STK32B: variants seen among roughly 807,000 people sequenced by gnomAD.
STK32B encodes serine/threonine kinase 32B.
In STK32B, 43 loss-of-function variants were observed where a neutral mutation model predicts 52.6. The ratio of observed to expected loss-of-function variants is 0.82; its 90% CI spans 0.64 to 1.05. STK32B has a LOEUF of 1.05. Ranked by LOEUF, STK32B falls within the 50% of genes least tolerant of loss-of-function variation. The pLI is 0.00. For missense variants in STK32B, 621 were observed against 534.6 expected (o/e 1.16, Z -1.59); for synonymous variants, 238 against 204.3 (o/e 1.17, Z -1.41).
At chr4:5,488,567 TC>T (rs902973328) in intron 11 of STK32B, among the ~76,000 whole-genome samples, 2 of 152,176 alleles carry the variant, frequency 1.3e-5, no homozygotes, top group Non-Finnish European at 2.9e-5. Flanking sequence ...TTCATAAATT[TC>T]CCTTTCACAA....
chr4:5,340,931 A>G (rs1215619561), intron 4 of STK32B, among the ~76,000 whole-genome samples: 4 of 152,174 alleles, frequency 2.6e-5, no homozygotes, highest in Non-Finnish European at 5.9e-5. Flanking sequence ...AGGTAGTATA[A>G]TGACCCCATT....
chr4:5,231,372 A>G (rs1192002511), intron 3 of STK32B, among the ~76,000 whole-genome samples: 1 of 152,176 alleles, frequency 6.6e-6, no homozygotes, highest in Non-Finnish European at 1.5e-5. Flanking sequence ...TCACTCTGGG[A>G]GGCTGAGGCG....
intron 3 of STK32B, among the ~76,000 whole-genome samples, chr4:5,262,511 G>A (rs1421576740): frequency 1.3e-5 from 2 of 151,710 alleles, no homozygotes; most frequent in Admixed American, 1.3e-4. Flanking sequence ...TGTAGTCCCA[G>A]CTACTCGGGA....
intron 1 of STK32B, among the ~76,000 whole-genome samples, chr4:5,091,630 A>G (rs998718816): frequency 6.6e-6 from 1 of 152,224 alleles, no homozygotes; most frequent in Admixed American, 6.5e-5. Context: ...GGAATGTATA[A>G]TGGTGCAGGG....
intron 2 of STK32B, 75 bp downstream of exon 2, chr4:5,140,035 G>A: frequency 6.4e-7 from 1 of 1,572,562 alleles, no homozygotes; most frequent in South Asian, 1.1e-5. Context: ...TGGTTGCTGG[G>A]CACTGGGAAT....
At chr4:5,367,941 G>C (rs1382189079) in intron 4 of STK32B, among the ~76,000 whole-genome samples, 1 of 152,132 alleles carries the variant, frequency 6.6e-6, no homozygotes, top group Non-Finnish European at 1.5e-5. Flanking sequence ...AACCTGAGGT[G>C]GGGAGGGGGC....
At chr4:5,155,569 C>G (rs1259749807) in intron 2 of STK32B, among the ~76,000 whole-genome samples, 1 of 152,152 alleles carries the variant, frequency 6.6e-6, no homozygotes, top group East Asian at 1.9e-4. Flanking sequence ...ACCCAAATCT[C>G]ATCTCGAATT....
intron 3 of STK32B, among the ~76,000 whole-genome samples, chr4:5,194,099 A>G (rs1302430168): frequency 6.6e-6 from 1 of 151,998 alleles, no homozygotes; most frequent in Non-Finnish European, 1.5e-5. Context: ...TCCCTCTCTC[A>G]CTTGCCTGTT....
intron 11 of STK32B, among the ~76,000 whole-genome samples, chr4:5,495,455 G>A (rs1236006473): frequency 6.6e-6 from 1 of 151,984 alleles, no homozygotes; most frequent in African/African-American, 2.4e-5. Context: ...CTCTCTATTG[G>A]TTATTCTAGT....
chr4:5,203,795 C>A (rs1722342416), intron 3 of STK32B, among the ~76,000 whole-genome samples: 2 of 152,188 alleles, frequency 1.3e-5, no homozygotes, highest in South Asian at 4.1e-4. Context: ...CTTCGTTATG[C>A]TTCACCTCCA....
At chr4:5,026,426 G>C in the STK32B span, among the ~76,000 whole-genome samples, 1 of 152,142 alleles carries the variant, frequency 6.6e-6, no homozygotes, top group African/African-American at 2.4e-5. Flanking sequence ...TTACAATCAC[G>C]GCAGAAGGCA....
rs1037527265 is a variant in STK32B at position 5,413,654 on chromosome 4, A to G, written c.473-3191A>G. On this transcript the variant is annotated intron_variant, in intron 5 of 11. Coordinates refer to ENST00000282908, the MANE Select transcript of STK32B (RefSeq NM_018401.3). ...AAGGCACTATAAACAAAGTCAAAAC[A>G]CAAACAATAGGCTAGGAGAAAATAT... is the stretch of plus-strand genomic sequence containing the variant. 3.3e-5 allele frequency among the ~76,000 whole-genome samples: 5 copies of G among 152,240 alleles called. No homozygotes were observed. The South Asian group carries it at 1.0e-3, about 32-fold the overall frequency.
At chr4:5,350,328 T>C (rs1260875799) in intron 4 of STK32B, among the ~76,000 whole-genome samples, 7 of 152,024 alleles carry the variant, frequency 4.6e-5, no homozygotes, top group Non-Finnish European at 8.8e-5. Flanking sequence ...CTTTCATAAA[T>C]AAAGGAGAAA....
chr4:5,096,828 A>G (rs1025073123), intron 1 of STK32B, among the ~76,000 whole-genome samples: 19 of 152,218 alleles, frequency 1.2e-4, no homozygotes, highest in Non-Finnish European at 2.8e-4. Flanking sequence ...AACACTCCTA[A>G]TAACTAAGAT....
At chr4:5,353,366 A>G (rs922051279) in intron 4 of STK32B, among the ~76,000 whole-genome samples, 2 of 151,994 alleles carry the variant, frequency 1.3e-5, no homozygotes, top group East Asian at 3.9e-4. Context: ...CTAAGACCTC[A>G]AGCACAGACA....
intron 3 of STK32B, among the ~76,000 whole-genome samples, chr4:5,239,181 CAG>C (rs1192858711): frequency 9.2e-5 from 14 of 152,020 alleles, no homozygotes; most frequent in African/African-American, 4.8e-5. Flanking sequence ...GGACAGGAGA[CAG>C]AGAGAGGTGA....
chr4:5,241,536 T>G (rs1725022937), intron 3 of STK32B, among the ~76,000 whole-genome samples: 1 of 152,070 alleles, frequency 6.6e-6, no homozygotes, highest in Non-Finnish European at 1.5e-5. Context: ...TAGGTAGGTC[T>G]GTGGTTATAA....
chr4:5,090,887 A>G (rs1713043961), intron 1 of STK32B, among the ~76,000 whole-genome samples: 1 of 152,180 alleles, frequency 6.6e-6, no homozygotes, highest in Non-Finnish European at 1.5e-5. Flanking sequence ...AAATGGACAA[A>G]TTTCTAGAAA....
intron 4 of STK32B, among the ~76,000 whole-genome samples, chr4:5,393,275 C>A (rs1388168714): frequency 1.3e-5 from 2 of 152,194 alleles, no homozygotes; most frequent in African/African-American, 4.8e-5. Flanking sequence ...ATAATCGCAC[C>A]TTTCCATGTG....
Sources: gnomAD v4.1 joint callset for allele counts (sites outside exome capture counted in the v4.1 genomes callset) on GRCh38, gnomAD v4.1.1 for gene constraint, MANE v1.5 for transcripts, NCBI Gene and HGNC (gene_info 2026-07-23, HGNC 2026-07-21) for gene names.